MALL: variants seen among roughly 807,000 people sequenced by gnomAD.
MALL encodes the protein mal, T cell differentiation protein like, also known as MAL-like protein.
Under a neutral mutation model 10.3 loss-of-function variants are expected in MALL, and 2 were observed. That is an observed-to-expected ratio of 0.19 (90% CI 0.08 to 0.61). The LOEUF (loss-of-function observed/expected upper bound fraction) is 0.61, where lower values mean the gene tolerates loss of function less well. MALL is among the 20% of genes least tolerant of loss of function. The pLI is 0.88. For synonymous variants in MALL, 27 were observed against 51.8 expected (o/e 0.52, Z 2.05); for missense variants, 39 against 115.2 (o/e 0.34, Z 3.03).
upstream of MALL, among the ~76,000 whole-genome samples, chr2:110,117,630 A>T (rs866533508): frequency 0.13 from 11,754 of 93,188 alleles, 647 homozygotes; most frequent in African/African-American, 0.24. Flanking sequence ...TGTGTGAGAG[A>T]GAGAGAGAGA....
intron 1 of MALL, among the ~76,000 whole-genome samples, chr2:110,105,499 G>A (rs1019548457): frequency 6.6e-6 from 1 of 152,224 alleles, no homozygotes; most frequent in Non-Finnish European, 1.5e-5. Flanking sequence ...AGAAGAGAAG[G>A]GTGCTGCCCT....
intron 1 of MALL, among the ~76,000 whole-genome samples, chr2:110,107,376 A>G (rs1223756181): frequency 2.0e-5 from 3 of 152,086 alleles, no homozygotes; most frequent in Non-Finnish European, 4.4e-5. Context: ...GAGACTGGCC[A>G]TTTGGTTTGT....
intron 1 of MALL, among the ~76,000 whole-genome samples, chr2:110,101,121 G>C (rs746290938): frequency 6.6e-6 from 1 of 152,050 alleles, no homozygotes; most frequent in African/African-American, 2.4e-5. Context: ...TCCCACCCCC[G>C]TGTCACTGGC....
At chr2:110,100,523 C>T (rs780035082) in intron 1 of MALL, among the ~76,000 whole-genome samples, 3 of 151,794 alleles carry the variant, frequency 2.0e-5, no homozygotes, top group Non-Finnish European at 2.9e-5. Context: ...AGTTTAGGAG[C>T]GTTTTGTGTA....
chr2:110,109,623 C>T (rs1325459907), intron 1 of MALL, among the ~76,000 whole-genome samples: 1 of 152,126 alleles, frequency 6.6e-6, no homozygotes, highest in Non-Finnish European at 1.5e-5. Context: ...CAATACTCCA[C>T]TGACAGCACT....
At chr2:110,116,077 C>A, upstream of MALL, 1 of 330,284 alleles carries the variant, frequency 3.0e-6, no homozygotes, top group Non-Finnish European at 5.5e-6. Context: ...TCTTTGACCC[C>A]CGGAGCATGT....
intron 1 of MALL, among the ~76,000 whole-genome samples, chr2:110,102,676 C>G (rs1678596564): frequency 6.6e-6 from 1 of 152,204 alleles, no homozygotes; most frequent in South Asian, 2.1e-4. Context: ...CAAATGGAGA[C>G]AGACGTGTAT....
At chr2:110,114,162 C>G (rs1280818821) in intron 1 of MALL, among the ~76,000 whole-genome samples, 1 of 152,056 alleles carries the variant, frequency 6.6e-6, no homozygotes, top group African/African-American at 2.4e-5. Context: ...CTCCCCTGGC[C>G]TCTAGGCCTT....
At chr2:110,105,995 T>C (rs1678679076) in intron 1 of MALL, among the ~76,000 whole-genome samples, 1 of 152,160 alleles carries the variant, frequency 6.6e-6, no homozygotes, top group Non-Finnish European at 1.5e-5. Flanking sequence ...AGGATGAACT[T>C]CTAAGGGCTC....
In MALL at chr2:110,100,200, A is replaced by T. The variant is rs183398021; in HGVS notation, c.106-8430T>A. 4.8e-4 allele frequency among the ~76,000 whole-genome samples: 73 copies of T among 152,228 alleles called. 2 individuals are homozygous for T. Among genetic ancestry groups the T allele is most frequent in the African/African-American group, 1.7e-3 (69 of 41,550 alleles). Reference sequence around the variant, plus strand: ...ACCAGCATTAAGAACTGAAGCCAACAGGGCATAATGGCTCACACCTGTAAT... The same window carrying T: ...ACCAGCATTAAGAACTGAAGCCAACTGGGCATAATGGCTCACACCTGTAAT... On this transcript the variant is annotated intron_variant, in intron 1 of 3. Transcript: ENST00000272462.
intron 1 of MALL, among the ~76,000 whole-genome samples, chr2:110,111,558 A>T (rs781112828): frequency 7.9e-5 from 12 of 152,146 alleles, no homozygotes; most frequent in South Asian, 4.1e-4. Flanking sequence ...GGAAAACTAT[A>T]AAACACTGCT....
At chr2:110,115,340 T>C (rs1383925415) in intron 1 of MALL, among the ~76,000 whole-genome samples, 1 of 151,998 alleles carries the variant, frequency 6.6e-6, no homozygotes, top group African/African-American at 2.4e-5. Flanking sequence ...CTCAAGTGGG[T>C]TTTGTTTTGG....
intron 1 of MALL, among the ~76,000 whole-genome samples, chr2:110,100,060 C>A (rs1032789775): frequency 1.3e-5 from 2 of 152,098 alleles, no homozygotes; most frequent in African/African-American, 2.4e-5. Flanking sequence ...TCAGGACACC[C>A]ACCCTCACCT....
chr2:110,110,181 C>G (rs1349097346), intron 1 of MALL, among the ~76,000 whole-genome samples: 1 of 151,918 alleles, frequency 6.6e-6, no homozygotes, highest in East Asian at 1.9e-4. Context: ...AAGAACAAAC[C>G]AAATCCTAAC....
chr2:110,110,984 T>C (rs982705210), intron 1 of MALL, among the ~76,000 whole-genome samples: 2 of 152,140 alleles, frequency 1.3e-5, no homozygotes, highest in African/African-American at 2.4e-5. Context: ...ATCATTTCAA[T>C]AGATGCAGAA....
intron 1 of MALL, among the ~76,000 whole-genome samples, chr2:110,108,732 A>G (rs780135238): frequency 6.6e-5 from 10 of 152,308 alleles, no homozygotes; most frequent in Non-Finnish European, 1.3e-4. Flanking sequence ...GCCTAGGCAC[A>G]TTGTCATCAG....
intron 1 of MALL, among the ~76,000 whole-genome samples, chr2:110,114,368 C>T (rs1006256807): frequency 1.3e-5 from 2 of 152,014 alleles, no homozygotes; most frequent in Non-Finnish European, 2.9e-5. Context: ...GCCCTGTCAC[C>T]AGGGGCTTGC....
chr2:110,095,596 A>AG (rs1474681582), intron 1 of MALL, among the ~76,000 whole-genome samples: 3 of 152,156 alleles, frequency 2.0e-5, no homozygotes, highest in African/African-American at 7.2e-5. Context: ...ACTAAAAAAA[A>AG]ATATTGTCAA....
rs3976232 is a variant in MALL, at chr2:110,092,700, T to TATAATAATA, written c.106-939_106-931dup. Among the ~76,000 whole-genome samples, 1,003 of 127,088 alleles carry TATAATAATA rather than the reference T, an allele frequency of 7.9e-3. 27 individuals are homozygous for TATAATAATA. The highest frequency in any genetic ancestry group is 0.015 in the African/African-American group (591 of 38,414). The allele number at this position is 127,088 out of a possible 152,430, so 83.4% of individuals were successfully genotyped here. A position where few individuals can be genotyped will look rare whatever the true frequency, so the allele number is the denominator to read the frequency against. Reference sequence around the variant, plus strand: ...TGCACATGTACCCTAAAACTTAAAGTATAATAATAATAATAATAATAATAA... The same window carrying TATAATAATA: ...TGCACATGTACCCTAAAACTTAAAGTATAATAATAATAATAATAATAATAATAATAATAA... On this transcript the variant is annotated intron_variant, in intron 1 of 3. Coordinates refer to ENST00000272462, the MANE Select transcript of MALL (RefSeq NM_005434.5).
Sources: allele counts gnomAD v4.1 joint callset (sites outside exome capture counted in the v4.1 genomes callset), GRCh38; gene constraint gnomAD v4.1.1; transcripts MANE v1.5; gene names NCBI Gene and HGNC (gene_info 2026-07-23, HGNC 2026-07-21).